The following GLIS3 variants were observed in gnomAD, a reference collection of about 807,000 sequenced individuals.
The protein encoded by GLIS3 is zinc finger protein GLIS3.
GLIS3 carries 53 observed loss-of-function variants against 78.6 expected under a neutral mutation model. That is an observed-to-expected ratio of 0.67 (90% CI 0.54 to 0.85). The LOEUF is 0.85. Among genes scored for constraint, GLIS3 ranks in the 40% least tolerant of loss-of-function variants. GLIS3 has a pLI of 0.00. For synonymous variants in GLIS3, 684 were observed against 509.9 expected, an observed-to-expected ratio of 1.34 and a Z score of -4.60; for missense variants, 1,703 against 1,231.1, an observed-to-expected ratio of 1.38 and a Z score of -5.74.
chr9:4,449,214 C>T, the GLIS3 span, among the ~76,000 whole-genome samples: 5 of 152,232 alleles, frequency 3.3e-5, no homozygotes, highest in Non-Finnish European at 5.9e-5. Context: ...ACCTTGCTTA[C>T]TGCTAGTGCA....
chr9:4,179,456 C>T (rs1395971243), intron 2 of GLIS3, among the ~76,000 whole-genome samples: 1 of 152,090 alleles, frequency 6.6e-6, no homozygotes, highest in Non-Finnish European at 1.5e-5. Context: ...TGGGATAGTC[C>T]TGGGGTATTA....
intron 2 of GLIS3, among the ~76,000 whole-genome samples, chr9:4,343,121 T>G (rs932477200): frequency 6.6e-6 from 1 of 152,174 alleles, no homozygotes; most frequent in South Asian, 2.1e-4. Context: ...GGAGGATCAC[T>G]TGAGCCCATG....
Position 4,230,372 on chromosome 9 carries a change from A to G in GLIS3, c.388+55666T>C, listed in dbSNP as rs564867935. ...GAGGGGTATGAGAACCCAAACTACCATGTGCTAGATGGGAAGGGAGTCTGG... is the reference window on the plus strand; with the variant it reads ...GAGGGGTATGAGAACCCAAACTACCGTGTGCTAGATGGGAAGGGAGTCTGG... On this transcript the variant is annotated intron_variant, in intron 2 of 10. Transcript: ENST00000381971. Among the ~76,000 whole-genome samples, 67 of 152,298 alleles carry G rather than the reference A, an allele frequency of 4.4e-4. 2 individuals are homozygous for G. In the South Asian group the frequency reaches 0.013, roughly 31 times the overall value.
chr9:4,428,262 T>C, the GLIS3 span, among the ~76,000 whole-genome samples: 47 of 152,046 alleles, frequency 3.1e-4, no homozygotes, highest in Admixed American at 5.2e-4. Flanking sequence ...GCGGATCACT[T>C]GAGGCCAGGA....
At chr9:4,116,701 G>A (rs1831666295) in intron 4 of GLIS3, among the ~76,000 whole-genome samples, 1 of 152,078 alleles carries the variant, frequency 6.6e-6, no homozygotes, top group Non-Finnish European at 1.5e-5. Context: ...AACTCGGGCT[G>A]GGGAACCACA....
rs547319205 is a variant in GLIS3, at chr9:3,932,216, T to C, written c.1983+144A>G. 7.8e-4 allele frequency: 518 copies of C among 666,584 alleles called. 3 individuals carry two copies. Among genetic ancestry groups the C allele is most frequent in the Middle Eastern group, 6.5e-3 (24 of 3,714 alleles). 41.3% of individuals were successfully genotyped at this position (666,584 alleles called of 1,614,324 possible). On this transcript the variant is annotated intron_variant, in intron 6 of 10. Transcript: ENST00000381971. The stretch of plus-strand genomic sequence containing the variant: ...AAACCATAGCCTTGCTATTACTTCA[T>C]GGGAGACTTACCTCCTCAAACGGTC...
At chr9:4,021,902 T>C (rs1453720401) in intron 4 of GLIS3, among the ~76,000 whole-genome samples, 4 of 152,182 alleles carry the variant, frequency 2.6e-5, no homozygotes, top group African/African-American at 9.7e-5. Context: ...CAGCGGTTAT[T>C]TGGGTACCCT....
chr9:3,901,421 T>C (rs1361822615), intron 6 of GLIS3, among the ~76,000 whole-genome samples: 1 of 152,200 alleles, frequency 6.6e-6, no homozygotes, highest in East Asian at 1.9e-4. Context: ...AAATCGGTCA[T>C]AGTGAAGTAT....
At chr9:4,363,643 T>C in the GLIS3 span, among the ~76,000 whole-genome samples, 2 of 152,202 alleles carry the variant, frequency 1.3e-5, no homozygotes, top group South Asian at 4.1e-4. Flanking sequence ...GTAGCTGGCA[T>C]CCAGAACTGG....
the GLIS3 span, among the ~76,000 whole-genome samples, chr9:4,425,838 A>T: frequency 6.6e-6 from 1 of 152,172 alleles, no homozygotes; most frequent in Non-Finnish European, 1.5e-5. Context: ...TTCCCTGGGA[A>T]GTTTTACTTG....
chr9:4,469,372 C>G, the GLIS3 span, among the ~76,000 whole-genome samples: 2 of 152,110 alleles, frequency 1.3e-5, no homozygotes, highest in African/African-American at 2.4e-5. Flanking sequence ...CCAAAACTGA[C>G]CACATAGTTG....
rs140789515 is a variant in GLIS3 at position 4,006,844 on chromosome 9, G to C, written c.1711-69655C>G. On this transcript the variant is annotated intron_variant, in intron 4 of 10. Transcript: ENST00000381971. ...AGCTAAATGTAAGGATGAAGGAACG[G>C]TTCTATCAAAAACTCCTACGGTGCT... 6.8e-3 allele frequency among the ~76,000 whole-genome samples: 1,030 copies of C among 152,306 alleles called. 18 individuals carry two copies. Among genetic ancestry groups the C allele is most frequent in the Non-Finnish European group, 6.3e-3 (429 of 68,032 alleles).
At position 4,316,963 on chromosome 9, in the gene GLIS3, G is replaced by A. The variant is rs542774615; in HGVS notation, n.265-6435C>T. On this transcript the variant is annotated intron_variant and non_coding_transcript_variant, in intron 2 of 4. Transcript: ENST00000471664. ...GTTGGTAAAATTGGTTTTTTAATAT[G>A]TTTTGCTTAAAGTCACAGTGTCTAA... is the stretch of plus-strand genomic sequence containing the variant. Among the ~76,000 whole-genome samples, 11 of 151,928 alleles carry A rather than the reference G, an allele frequency of 7.2e-5. 1 individual carries two copies. Among genetic ancestry groups the A allele is most frequent in the African/African-American group, 2.2e-4 (9 of 41,348 alleles).
the GLIS3 span, among the ~76,000 whole-genome samples, chr9:4,437,777 G>A: frequency 3.1e-4 from 47 of 152,240 alleles, no homozygotes; most frequent in Non-Finnish European, 5.6e-4. Flanking sequence ...TACTTGTTGT[G>A]AAGACAATGA....
At chr9:4,100,582 G>A (rs996943621) in intron 4 of GLIS3, among the ~76,000 whole-genome samples, 2 of 152,160 alleles carry the variant, frequency 1.3e-5, no homozygotes, top group African/African-American at 2.4e-5. Flanking sequence ...AGGATGAAAT[G>A]ATTCTGTGTC....
At chr9:4,318,391 G>A (rs898520746) in intron 2 of GLIS3, among the ~76,000 whole-genome samples, 8 of 152,114 alleles carry the variant, frequency 5.3e-5, no homozygotes, top group Non-Finnish European at 1.2e-4. Flanking sequence ...TCACTAAAAG[G>A]AAGCACGGAG....
chr9:4,162,673 G>T (rs10974356), intron 2 of GLIS3, among the ~76,000 whole-genome samples: 2 of 151,672 alleles, frequency 1.3e-5, no homozygotes, highest in Admixed American at 6.6e-5. Context: ...TGGCTAACAC[G>T]GTGAAATCCC....
the GLIS3 span, among the ~76,000 whole-genome samples, chr9:4,408,271 C>A: frequency 6.6e-6 from 1 of 152,090 alleles, no homozygotes; most frequent in South Asian, 2.1e-4. Flanking sequence ...GAGTATATAT[C>A]CGAAAGAAAG....
intron 2 of GLIS3, among the ~76,000 whole-genome samples, chr9:4,318,352 G>T (rs1046019939): frequency 6.6e-6 from 1 of 152,138 alleles, no homozygotes; most frequent in African/African-American, 2.4e-5. Context: ...CACACCTAGG[G>T]CCCAGAGTTT....
Sources: allele counts gnomAD v4.1 joint callset (sites outside exome capture counted in the v4.1 genomes callset), GRCh38; gene constraint gnomAD v4.1.1; transcripts MANE v1.5; gene names NCBI Gene and HGNC (gene_info 2026-07-23, HGNC 2026-07-21).